NCCRP1: variants seen among roughly 807,000 people sequenced by gnomAD.
NCCRP1 encodes F-box only protein 50.
NCCRP1 carries 32 observed loss-of-function variants against 34.4 expected under a neutral mutation model. The ratio of observed to expected loss-of-function variants is 0.93; its 90% CI spans 0.70 to 1.25. The LOEUF is 1.25. Ranked by LOEUF, NCCRP1 falls within the 50% of genes most tolerant of loss-of-function variation. The probability of loss-of-function intolerance (pLI) is 0.00; values close to 1 mark genes in which losing one functional copy is unlikely to be tolerated. For synonymous variants in NCCRP1, 172 were observed against 180.1 expected (o/e 0.95, Z 0.36); for missense variants, 372 against 391.8 (o/e 0.95, Z 0.43).
In NCCRP1 at chr19:39,200,375, T is replaced by G; in HGVS notation, c.578T>G (p.Val193Gly). The G allele has an allele frequency of 3.1e-6, 5 of 1,613,764 alleles. No individual in the cohort carries two copies. The highest frequency in any genetic ancestry group is 1.3e-5 in the African/African-American group (1 of 75,022). Reference sequence around the variant, plus strand: ...GAGGACAGCCGGCTGGATGCGTGCGTCTATGAGCTGCATGTCTGGCTGCTG... The same window carrying G: ...GAGGACAGCCGGCTGGATGCGTGCGGCTATGAGCTGCATGTCTGGCTGCTG... ...WFEDSRLDAC[V>G]YELHVWLLAA... Residue 193 changes from valine (V) to glycine (G), a missense_variant, in exon 5 of 6, where the codon GTC becomes GGC. Val to Gly is a moderately radical substitution (Grantham distance 109). Transcript: ENST00000339852. This position sits in a 1 kb window ranked among gnomAD's most constrained non-coding sequence, Gnocchi z 5.8.
Position 39,198,085 on chromosome 19 carries a change from G to T in NCCRP1, c.370G>T (p.Gly124Cys), listed in dbSNP as rs773821886. 1 of 1,614,108 alleles carries T rather than the reference G, an allele frequency of 6.2e-7. No individual in the cohort carries two copies. The highest frequency in any genetic ancestry group is 2.2e-5 in the East Asian group (1 of 44,878). ...INIYEPAPPT[G>C]PTQRPLETLG... ...CATTTATGAGCCAGCACCCCCTACT[G>T]GTCCCACCCAGCGACCCCTGGAAAC... The change falls in exon 2 of 6, where the codon GGT becomes TGT. Residue 124 changes from glycine (G) to cysteine (C), a missense_variant. By Grantham distance (159) the Gly-to-Cys change is radical. Coordinates refer to ENST00000339852, the MANE Select transcript of NCCRP1 (RefSeq NM_001001414.2).
rs765408790 is a variant in NCCRP1 at position 39,199,284 on chromosome 19, C to T, written c.548+19C>T. On this transcript the variant is annotated intron_variant, in intron 4 of 5. Transcript: ENST00000339852. ...TGGACTGGTGCGTGCCCCTCCCCTG[C>T]CAGCCTGACCCCGTGATCGCGCAGG... The T allele has an allele frequency of 6.2e-6, 10 of 1,608,314 alleles. No individual in the cohort carries two copies. In the Admixed American group the frequency reaches 1.5e-4, roughly 24 times the overall value.
chr19:39,200,742 C>T lies in NCCRP1; in HGVS notation c.814C>T (p.Gln272Ter). ...GGTGACCGACTCCTCCGTGTCTGTG[C>T]AGCTCCGGGAGTGACTGGCTGGCTC... ...TRVTDSSVSV[Q>*]LRE Residue 272 changes from glutamine to a stop codon, truncating the protein, a stop_gained, in exon 6 of 6, where the codon CAG (glutamine) becomes TAG (stop). Coordinates refer to ENST00000339852, the MANE Select transcript of NCCRP1 (RefSeq NM_001001414.2). LOFTEE classifies it high-confidence loss of function. The surrounding 1 kb of genome is among the most constrained non-coding windows in gnomAD (Gnocchi z 5.8). The T allele has an allele frequency of 1.2e-6, 2 of 1,611,734 alleles. No homozygotes were observed. The highest frequency in any genetic ancestry group is 1.7e-6 in the Non-Finnish European group (2 of 1,179,846).
In NCCRP1 at chr19:39,197,313, C is replaced by G. The variant is rs2074766816; in HGVS notation, c.331C>G (p.Pro111Ala). Reference sequence around the variant, plus strand: ...CCGCAACCTGCTGCGCTCGCCCAACCCCGAAGGTGCGCAAGGGCCCAGAGC... The same window carrying G: ...CCGCAACCTGCTGCGCTCGCCCAACGCCGAAGGTGCGCAAGGGCCCAGAGC... The part of the protein sequence containing the change: ...LYRNLLRSPN[P>A]EGINIYEPAP... Residue 111 changes from proline (P) to alanine (A), a missense_variant, in exon 1 of 6, where the codon CCC (proline) becomes GCC (alanine). Physicochemically the swap from Pro to Ala is conservative, Grantham distance 27. Coordinates refer to ENST00000339852, the MANE Select transcript of NCCRP1 (RefSeq NM_001001414.2). 1.4e-6 allele frequency: 2 copies of G among 1,461,406 alleles called. No individual in the cohort carries two copies. The highest frequency in any genetic ancestry group is 8.9e-7 in the Non-Finnish European group (1 of 1,118,558). 90.5% of individuals were successfully genotyped at this position (1,461,406 alleles called of 1,614,324 possible).
chr19:39,198,327 AC>A (rs1263802169), intron 3 of NCCRP1, 74 bp downstream of exon 3: 7 of 1,522,376 alleles, frequency 4.6e-6, no homozygotes, highest in Non-Finnish European at 6.4e-6. Context: ...ACCTGGAGAA[AC>A]TGACTTGGCC....
chr19:39,200,494 T>C lies in NCCRP1; in HGVS notation c.687+10T>C, dbSNP rs1278104218. 6.2e-7 allele frequency: 1 copy of C among 1,612,100 alleles called. No individual in the cohort carries two copies. The highest frequency in any genetic ancestry group is 1.1e-5 in the South Asian group (1 of 90,790). ...TGGCCGCTGGGTCCAGGTGAGACTC[T>C]CCGCGCCGGGGCCCTCAACCCCAGA... On this transcript the variant is annotated intron_variant, in intron 5 of 5. Coordinates refer to ENST00000339852, the MANE Select transcript of NCCRP1 (RefSeq NM_001001414.2). The surrounding 1 kb of genome is among the most constrained non-coding windows in gnomAD (Gnocchi z 5.8).
chr19:39,200,563 T>G lies in NCCRP1; in HGVS notation c.688-53T>G. On this transcript the variant is annotated intron_variant, in intron 5 of 5. Coordinates refer to ENST00000339852, the MANE Select transcript of NCCRP1 (RefSeq NM_001001414.2). This position sits in a 1 kb window ranked among gnomAD's most constrained non-coding sequence, Gnocchi z 5.8. ...GACCTCACAGAGGGAGGAGAACAGG[T>G]CCGCGGGTCCTCAAAAAGGGCTCCT... 6.2e-7 allele frequency: 1 copy of G among 1,611,168 alleles called. No individual in the cohort carries two copies. The highest frequency in any genetic ancestry group is 1.3e-5 in the African/African-American group (1 of 74,952).
intron 1 of NCCRP1, 128 bp from the exon 2 acceptor site, chr19:39,197,925 C>G (rs2074769750): frequency 9.4e-7 from 1 of 1,065,636 alleles, no homozygotes; most frequent in African/African-American, 1.6e-5. Flanking sequence ...ACTCACTCAT[C>G]CCTGCCGGGC....
chr19:39,200,820 G>A lies in NCCRP1; in HGVS notation c.*64G>A. 6.5e-7 allele frequency: 1 copy of A among 1,547,054 alleles called. No homozygotes were observed. The highest frequency in any genetic ancestry group is 8.7e-7 in the Non-Finnish European group (1 of 1,151,480). On this transcript the variant is annotated 3_prime_UTR_variant, in exon 6 of 6. Transcript: ENST00000339852. This position sits in a 1 kb window ranked among gnomAD's most constrained non-coding sequence, Gnocchi z 5.8. Reference sequence around the variant, plus strand: ...TGACCTTTAGGAGCCCCAACTCTTAGTCACCTCCTAGGCCTCTTATTTCTC... The same window carrying A: ...TGACCTTTAGGAGCCCCAACTCTTAATCACCTCCTAGGCCTCTTATTTCTC...
chr19:39,199,425 C>G (rs967434725), intron 4 of NCCRP1, among the ~76,000 whole-genome samples, 160 bp downstream of exon 4: 1 of 151,720 alleles, frequency 6.6e-6, no homozygotes, highest in African/African-American at 2.4e-5. Flanking sequence ...TCTGTTTGAG[C>G]CTTTCAGATT....
At position 39,198,198 on chromosome 19, in the gene NCCRP1, G is replaced by A; in HGVS notation, c.401-4G>A. The A allele has an allele frequency of 2.5e-6, 4 of 1,614,182 alleles. No homozygotes were observed. The highest frequency in any genetic ancestry group is 2.2e-5 in the East Asian group (1 of 44,880). On this transcript the variant is annotated splice_polypyrimidine_tract_variant and splice_region_variant and intron_variant, in intron 2 of 5. Transcript: ENST00000339852. ...GTCCTAACCCTTTGCTCCCCAACCT[G>A]CAGGCAATTTCCGTGGCTGGTACAT...
intron 4 of NCCRP1, among the ~76,000 whole-genome samples, chr19:39,199,636 C>T (rs556989551): frequency 1.3e-4 from 19 of 150,706 alleles, no homozygotes; most frequent in African/African-American, 4.6e-4. Context: ...CCTCAGCTTC[C>T]CAAGTAACTG....
chr19:39,199,509 C>CTTTTTTTTTTTTTTTTTTTTTTTTTTTT (rs150534648), intron 4 of NCCRP1, among the ~76,000 whole-genome samples: 5 of 67,866 alleles, frequency 7.4e-5, no homozygotes, highest in Admixed American at 2.2e-4. Flanking sequence ...TTTTTTCTTT[C>CTTTTTTTTTTTTTTTTTTTTTTTTTTTT]TTTTTTTTTT....
intron 3 of NCCRP1, 76 bp downstream of exon 3, chr19:39,198,329 T>C (rs899815107): frequency 1.3e-6 from 2 of 1,497,662 alleles, no homozygotes; most frequent in African/African-American, 2.8e-5. Context: ...CTGGAGAAAC[T>C]GACTTGGCCT....
In NCCRP1 at chr19:39,200,547, G is replaced by A; in HGVS notation, c.687+63G>A. On this transcript the variant is annotated intron_variant, in intron 5 of 5. Coordinates refer to ENST00000339852, the MANE Select transcript of NCCRP1 (RefSeq NM_001001414.2). The surrounding 1 kb of genome is among the most constrained non-coding windows in gnomAD (Gnocchi z 5.8). ...TGTGTTCTTGTCCCAAGACCTCACA[G>A]AGGGAGGAGAACAGGTCCGCGGGTC... 1 of 1,610,442 alleles carries A rather than the reference G, an allele frequency of 6.2e-7. No homozygotes were observed. The highest frequency in any genetic ancestry group is 8.5e-7 in the Non-Finnish European group (1 of 1,178,200).
rs754266995 is a variant in NCCRP1, at chr19:39,200,565, C to T, written c.688-51C>T. On this transcript the variant is annotated intron_variant, in intron 5 of 5. Transcript: ENST00000339852. The surrounding 1 kb of genome is among the most constrained non-coding windows in gnomAD (Gnocchi z 5.8). ...CCTCACAGAGGGAGGAGAACAGGTC[C>T]GCGGGTCCTCAAAAAGGGCTCCTCC... The T allele has an allele frequency of 5.0e-6, 8 of 1,610,970 alleles. No homozygotes were observed. The highest frequency in any genetic ancestry group is 4.0e-5 in the African/African-American group (3 of 74,852).
chr19:39,200,653 G>T lies in NCCRP1; in HGVS notation c.725G>T (p.Arg242Leu), dbSNP rs769710252. 1 of 1,614,126 alleles carries T rather than the reference G, an allele frequency of 6.2e-7. No homozygotes were observed. The highest frequency in any genetic ancestry group is 2.2e-5 in the East Asian group (1 of 44,888). The change falls in exon 6 of 6, where the codon CGC (arginine) becomes CTC (leucine). Residue 242 changes from arginine to leucine, a missense_variant. Physicochemically the swap from Arg to Leu is moderately radical, Grantham distance 102. Transcript: ENST00000339852. This position sits in a 1 kb window ranked among gnomAD's most constrained non-coding sequence, Gnocchi z 5.8. ...HVFRHYGPGV[R>L]FIHFLHKAKN... is the part of the protein sequence containing the mutation. ...TTCCGCCATTATGGTCCCGGTGTGC[G>T]CTTTATCCACTTCCTGCACAAGGCC...
Position 39,200,723 on chromosome 19 carries a change from C to A in NCCRP1, c.795C>A (p.Thr265=). Residue 265 remains threonine, a synonymous_variant, in exon 6 of 6, where the codon ACC becomes ACA. Coordinates refer to ENST00000339852, the MANE Select transcript of NCCRP1 (RefSeq NM_001001414.2). This position sits in a 1 kb window ranked among gnomAD's most constrained non-coding sequence, Gnocchi z 5.8. ...EPGGLRRTRV[T]DSSVSVQLRE is the part of the protein sequence containing the mutation. Reference sequence around the variant, plus strand: ...GTGGGCTGCGGCGGACACGGGTGACCGACTCCTCCGTGTCTGTGCAGCTCC... The same window carrying A: ...GTGGGCTGCGGCGGACACGGGTGACAGACTCCTCCGTGTCTGTGCAGCTCC... 1 of 1,613,230 alleles carries A rather than the reference C, an allele frequency of 6.2e-7. No individual in the cohort carries two copies. Among genetic ancestry groups the A allele is most frequent in the Non-Finnish European group, 8.5e-7 (1 of 1,180,004 alleles).
In NCCRP1 at chr19:39,197,084, G is replaced by A. The variant is rs921012874; in HGVS notation, c.102G>A (p.Pro34=). The change falls in exon 1 of 6, where the codon CCG becomes CCA. Residue 34 remains proline, a synonymous_variant. Coordinates refer to ENST00000339852, the MANE Select transcript of NCCRP1 (RefSeq NM_001001414.2). The part of the protein sequence containing the change: ...ELPPSPRSPS[P]PPSPPPLPSP... The stretch of plus-strand genomic sequence containing the variant: ...CTCCCTCGCCACGGTCGCCTTCACC[G>A]CCGCCGTCGCCGCCACCACTGCCCT... The A allele has an allele frequency of 2.6e-6, 4 of 1,528,522 alleles. No individual in the cohort carries two copies. The highest frequency in any genetic ancestry group is 3.5e-6 in the Non-Finnish European group (4 of 1,144,308). 94.7% of individuals were successfully genotyped at this position (1,528,522 alleles called of 1,614,324 possible).
Sources: allele counts gnomAD v4.1 joint callset (sites outside exome capture counted in the v4.1 genomes callset), GRCh38; gene constraint gnomAD v4.1.1; non-coding constraint Gnocchi (gnomAD v3.1); transcripts MANE v1.5; gene names NCBI Gene and HGNC (gene_info 2026-07-23, HGNC 2026-07-21).